Variants in NTNG2 observed in about 807,000 individuals in gnomAD.
NTNG2 encodes the protein netrin G2, also known as netrin-G2.
A neutral mutation model predicts 47.6 loss-of-function variants in NTNG2; 15 were observed. The ratio of observed to expected loss-of-function variants is 0.32; its 90% CI spans 0.21 to 0.49. The LOEUF (loss-of-function observed/expected upper bound fraction) is 0.49. NTNG2 is among the 20% of genes least tolerant of loss of function. The pLI, the probability that NTNG2 is intolerant of heterozygous loss-of-function variation, is 0.99. For synonymous variants in NTNG2, 307 were observed against 324.6 expected (o/e 0.95, Z 0.58); for missense variants, 578 against 764.6 (o/e 0.76, Z 2.88).
chr9:132,223,359 C>T (rs1022347263), intron 3 of NTNG2, among the ~76,000 whole-genome samples: 11 of 151,984 alleles, frequency 7.2e-5, no homozygotes, highest in South Asian at 2.1e-4. Flanking sequence ...GGGACAGAGG[C>T]GGGACAGAGC....
intron 2 of NTNG2, among the ~76,000 whole-genome samples, chr9:132,172,149 G>C (rs1272486419): frequency 1.3e-5 from 2 of 152,130 alleles, no homozygotes; most frequent in African/African-American, 4.8e-5. Context: ...TCCTCCACCC[G>C]AATGCCTGCC....
chr9:132,177,030 C>T (rs530498978), intron 2 of NTNG2, among the ~76,000 whole-genome samples: 17 of 152,292 alleles, frequency 1.1e-4, no homozygotes, highest in African/African-American at 4.1e-4. Flanking sequence ...CATTCTGTCA[C>T]CTGGGCTGGA....
rs769570116 is a variant in NTNG2, at chr9:132,162,569, A to AGTGTGTGTGTGTGTGTGT, written c.-484+361_-484+378dup. On this transcript the variant is annotated intron_variant, in intron 1 of 7. Coordinates refer to ENST00000393229, the MANE Select transcript of NTNG2 (RefSeq NM_032536.4). This position sits in a 1 kb window ranked among gnomAD's most constrained non-coding sequence, Gnocchi z 4.6. ...GTGTGTGTGTGTGAGAGAGAGACAG[A>AGTGTGTGTGTGTGTGTGT]GTGTGTGTGTGTGTGTGTGTGTGTG... is the stretch of plus-strand genomic sequence containing the variant. Among the ~76,000 whole-genome samples, 15 of 112,468 alleles carry AGTGTGTGTGTGTGTGTGT rather than the reference A, an allele frequency of 1.3e-4. No individual in the cohort carries two copies. The highest frequency in any genetic ancestry group is 5.1e-4 in the East Asian group (2 of 3,896). The allele number at this position is 112,468 out of a possible 152,430, so 73.8% of individuals were successfully genotyped here.
At chr9:132,216,501 G>A (rs998753702) in intron 3 of NTNG2, among the ~76,000 whole-genome samples, 2 of 149,264 alleles carry the variant, frequency 1.3e-5, no homozygotes, top group Admixed American at 1.3e-4. Flanking sequence ...CGTCTGAAGA[G>A]CTAAAGCCGT....
At chr9:132,217,579 ATAACT>A (rs1840075173) in intron 3 of NTNG2, among the ~76,000 whole-genome samples, 1 of 152,208 alleles carries the variant, frequency 6.6e-6, no homozygotes, top group South Asian at 2.1e-4. Context: ...TGAAGAGGTG[ATAACT>A]TCACTTGTTG....
At chr9:132,190,518 G>A (rs1026406069) in intron 2 of NTNG2, among the ~76,000 whole-genome samples, 5 of 152,124 alleles carry the variant, frequency 3.3e-5, no homozygotes, top group Admixed American at 6.5e-5. Flanking sequence ...TCCAGTGACC[G>A]CCCCTCCACG....
At chr9:132,186,192 T>C (rs1837368222) in intron 2 of NTNG2, among the ~76,000 whole-genome samples, 1 of 152,106 alleles carries the variant, frequency 6.6e-6, no homozygotes, top group African/African-American at 2.4e-5. Flanking sequence ...GCTAGAGGTA[T>C]GCAAGAGAAG....
chr9:132,168,598 G>A (rs914480371), intron 2 of NTNG2, among the ~76,000 whole-genome samples: 1 of 152,146 alleles, frequency 6.6e-6, no homozygotes, highest in African/African-American at 2.4e-5. Context: ...GAAGCCAGGA[G>A]CTGGGGCTGG....
At chr9:132,228,938 C>T (rs1840993357) in intron 4 of NTNG2, among the ~76,000 whole-genome samples, 1 of 152,116 alleles carries the variant, frequency 6.6e-6, no homozygotes, top group South Asian at 2.1e-4. Context: ...TCTTACCTGC[C>T]AGTCACACCT....
intron 2 of NTNG2, among the ~76,000 whole-genome samples, chr9:132,184,324 G>A (rs933722948): frequency 6.6e-6 from 1 of 152,218 alleles, no homozygotes; most frequent in Non-Finnish European, 1.5e-5. Flanking sequence ...GGAACACCTG[G>A]AGAGGGAAGG....
intron 5 of NTNG2, among the ~76,000 whole-genome samples, chr9:132,235,699 AG>A (rs1165998414): frequency 6.6e-6 from 1 of 152,164 alleles, no homozygotes; most frequent in Non-Finnish European, 1.5e-5. Context: ...AGGTGGTCCC[AG>A]GTGGCCTCCC....
chr9:132,212,814 T>A (rs894289415), intron 3 of NTNG2, among the ~76,000 whole-genome samples: 1 of 152,180 alleles, frequency 6.6e-6, no homozygotes, highest in African/African-American at 2.4e-5. Context: ...CCCTGGTCAC[T>A]TGTCACCTCT....
intron 2 of NTNG2, among the ~76,000 whole-genome samples, chr9:132,173,998 A>G (rs1322610911): frequency 6.9e-6 from 1 of 145,282 alleles, no homozygotes; most frequent in Admixed American, 6.9e-5. Flanking sequence ...AGGTCGAACC[A>G]TGCTACGGAT....
At chr9:132,210,544 A>T (rs1839515259) in intron 3 of NTNG2, among the ~76,000 whole-genome samples, 1 of 152,198 alleles carries the variant, frequency 6.6e-6, no homozygotes, top group Admixed American at 6.5e-5. Context: ...TGCTGCTGCC[A>T]ACAGCGGACG....
At chr9:132,174,228 ACAGG>A (rs1310263115) in intron 2 of NTNG2, among the ~76,000 whole-genome samples, 3 of 143,372 alleles carry the variant, frequency 2.1e-5, no homozygotes, top group African/African-American at 2.7e-5. Context: ...GGACGGACAG[ACAGG>A]CAGGCCGCAC....
At chr9:132,164,009 T>C (rs1343758476) in intron 1 of NTNG2, among the ~76,000 whole-genome samples, 2 of 152,122 alleles carry the variant, frequency 1.3e-5, no homozygotes, top group African/African-American at 4.8e-5. Context: ...TCTGAAAATT[T>C]CCCTGCCGAC....
At chr9:132,176,835 G>A (rs186077742) in intron 2 of NTNG2, among the ~76,000 whole-genome samples, 144 of 152,260 alleles carry the variant, frequency 9.5e-4, no homozygotes, top group East Asian at 8.9e-3. Context: ...CAGTTTCTCC[G>A]AATCCTTGTC....
chr9:132,200,280 TGCAG>T (rs1362522176), intron 3 of NTNG2, among the ~76,000 whole-genome samples: 1 of 152,044 alleles, frequency 6.6e-6, no homozygotes, highest in Non-Finnish European at 1.5e-5. Flanking sequence ...CTTAGGCAGG[TGCAG>T]GCAGGGGCTG....
intron 2 of NTNG2, among the ~76,000 whole-genome samples, chr9:132,167,906 GGGCTCT>G (rs1277891323): frequency 6.6e-6 from 1 of 152,220 alleles, no homozygotes; most frequent in Non-Finnish European, 1.5e-5. Flanking sequence ...CGTCAGGGGA[GGGCTCT>G]GGCCCAGTGA....
Sources: gnomAD v4.1 joint callset for allele counts (sites outside exome capture counted in the v4.1 genomes callset) on GRCh38, gnomAD v4.1.1 for gene constraint, Gnocchi (gnomAD v3.1) non-coding constraint, MANE v1.5 for transcripts, NCBI Gene and HGNC (gene_info 2026-07-23, HGNC 2026-07-21) for gene names.